MYO16: variants seen among roughly 807,000 people sequenced by gnomAD.
MYO16 encodes myosin XVI.
MYO16 carries 94 observed loss-of-function variants against 205.3 expected under a neutral mutation model. That is an observed-to-expected ratio of 0.46 (90% confidence interval 0.39 to 0.54). The LOEUF (loss-of-function observed/expected upper bound fraction) is 0.54. MYO16 is among the 20% of genes least tolerant of loss of function. MYO16 has a pLI of 0.00. For missense variants in MYO16, 2,315 were observed against 2,387.5 expected, an observed-to-expected ratio of 0.97 and a Z score of 0.63; for synonymous variants, 988 against 954.0, an observed-to-expected ratio of 1.04 and a Z score of -0.66.
In MYO16 at chr13:109,141,278, C is replaced by G. The variant is rs1877080701; in HGVS notation, c.5066C>G (p.Pro1689Arg). 1 of 1,601,156 alleles carries G rather than the reference C, an allele frequency of 6.2e-7. No individual in the cohort carries two copies. Among genetic ancestry groups the G allele is most frequent in the Non-Finnish European group, 8.5e-7 (1 of 1,174,310 alleles). Residue 1689 changes from proline (P) to arginine (R), a missense_variant, in exon 32 of 35, where the codon CCT (proline) becomes CGT (arginine). This residue lies in a region of MYO16 where 1,097 missense variants were observed against 1,092.0 expected (regional missense o/e 1.00). Coordinates refer to ENST00000457511, the MANE Select transcript of MYO16 (RefSeq NM_001198950.3). This position sits in a 1 kb window ranked among gnomAD's most constrained non-coding sequence, Gnocchi z 4.1. ...PAPYSPPSSR[P>R]LSSPLDELAS... ...CCCTACAGCCCTCCCAGCTCCAGGC[C>G]TCTCAGCAGCCCCCTGGACGAGCTC...
intron 6 of MYO16, among the ~76,000 whole-genome samples, chr13:108,799,465 A>G (rs2138963774): frequency 6.6e-6 from 1 of 152,354 alleles, no homozygotes; most frequent in South Asian, 2.1e-4. Context: ...CCATGATTTT[A>G]AGGTGGCATT....
At chr13:109,082,986 C>T (rs1471652883) in intron 27 of MYO16, among the ~76,000 whole-genome samples, 2 of 152,060 alleles carry the variant, frequency 1.3e-5, no homozygotes, top group African/African-American at 2.4e-5. Context: ...TGAATATCAC[C>T]AGAATATGGC....
At chr13:109,052,054 G>A (rs546645088) in intron 24 of MYO16, among the ~76,000 whole-genome samples, 1 of 152,300 alleles carries the variant, frequency 6.6e-6, no homozygotes, top group South Asian at 2.1e-4. Flanking sequence ...CTCAGTTAGA[G>A]AGCAAGGCCC....
At position 108,961,610 on chromosome 13, in the gene MYO16, T is replaced by C; in HGVS notation, c.2109T>C (p.Asn703=). The C allele has an allele frequency of 6.2e-7, 1 of 1,614,150 alleles. No individual in the cohort carries two copies. The highest frequency in any genetic ancestry group is 1.1e-5 in the South Asian group (1 of 91,088). ...GAGACATTCGGTTTACTGCCCTGAATGAGGGGAACTCCGCCTTCGTTTCTG... is the reference window on the plus strand; with the variant it reads ...GAGACATTCGGTTTACTGCCCTGAACGAGGGGAACTCCGCCTTCGTTTCTG... ...HLGDIRFTAL[N]EGNSAFVSDL... Residue 703 remains asparagine (N), a synonymous_variant, in exon 18 of 35, where the codon AAT becomes AAC. Coordinates refer to ENST00000457511, the MANE Select transcript of MYO16 (RefSeq NM_001198950.3).
chr13:108,693,150 T>G (rs1333761191), intron 2 of MYO16, among the ~76,000 whole-genome samples: 1 of 152,180 alleles, frequency 6.6e-6, no homozygotes, highest in East Asian at 1.9e-4. Context: ...ACAATGATAA[T>G]AAATAATATA....
At chr13:108,865,468 CCTT>C in intron 11 of MYO16, among the ~76,000 whole-genome samples, 1 of 151,964 alleles carries the variant, frequency 6.6e-6, no homozygotes, top group Non-Finnish European at 1.5e-5. Context: ...TCCATAGTCA[CCTT>C]CTTTGCTGTT....
chr13:108,605,436 A>C (rs2139306830), intron 1 of MYO16, among the ~76,000 whole-genome samples: 1 of 152,230 alleles, frequency 6.6e-6, no homozygotes, highest in African/African-American at 2.4e-5. Flanking sequence ...ATTGGAATCC[A>C]AATTATAATC....
chr13:109,172,858 C>T (rs1487025562), intron 33 of MYO16, among the ~76,000 whole-genome samples: 1 of 152,132 alleles, frequency 6.6e-6, no homozygotes, highest in Non-Finnish European at 1.5e-5. Context: ...GCAGTGAATT[C>T]GTTTCTCTGA....
At position 108,696,977 on chromosome 13, in the gene MYO16, TAA is replaced by T. The variant is rs11462001; in HGVS notation, c.293-15669_293-15668del. Among the ~76,000 whole-genome samples, 468 of 145,110 alleles carry T rather than the reference TAA, an allele frequency of 3.2e-3. 2 individuals are homozygous for T. Among genetic ancestry groups the T allele is most frequent in the Admixed American group, 6.8e-3 (100 of 14,652 alleles). On this transcript the variant is annotated intron_variant, in intron 2 of 34. Transcript: ENST00000457511. ...TTAACTCACGGATGAATTCAAGCAT[TAA>T]AAAAAAAAAAAAAATACCCTGCCCT...
chr13:108,686,762 A>G (rs914592682), intron 2 of MYO16, among the ~76,000 whole-genome samples: 1 of 152,262 alleles, frequency 6.6e-6, no homozygotes, highest in South Asian at 2.1e-4. Flanking sequence ...AAGAGAAAAG[A>G]CAACAATTTT....
intron 1 of MYO16, among the ~76,000 whole-genome samples, chr13:108,643,809 C>G (rs1026883203): frequency 3.9e-5 from 6 of 152,138 alleles, no homozygotes; most frequent in Non-Finnish European, 8.8e-5. Context: ...TTTTATTTGC[C>G]TCAGGTAAAC....
the MYO16 span, among the ~76,000 whole-genome samples, chr13:108,500,124 C>A: frequency 2.6e-5 from 4 of 151,718 alleles, no homozygotes; most frequent in Admixed American, 2.0e-4. Context: ...TTCCATACCA[C>A]ACCTGACTCC....
intron 27 of MYO16, among the ~76,000 whole-genome samples, chr13:109,068,896 AT>A (rs1268857781): frequency 2.0e-5 from 3 of 152,078 alleles, no homozygotes; most frequent in Non-Finnish European, 4.4e-5. Flanking sequence ...CAGCCCAGCA[AT>A]GTAAATTTTG....
intron 16 of MYO16, among the ~76,000 whole-genome samples, chr13:108,957,428 C>G (rs1013904202): frequency 2.0e-5 from 3 of 150,284 alleles, no homozygotes; most frequent in African/African-American, 7.3e-5. Context: ...TTGTGACCTT[C>G]TCCTGTCACA....
chr13:108,800,216 T>C (rs1886929041), intron 6 of MYO16, among the ~76,000 whole-genome samples: 1 of 152,194 alleles, frequency 6.6e-6, no homozygotes, highest in Non-Finnish European at 1.5e-5. Flanking sequence ...GCCCATCTCT[T>C]GCCGTTTACT....
intron 11 of MYO16, among the ~76,000 whole-genome samples, chr13:108,860,635 C>G (rs59605109): frequency 0.035 from 5,327 of 152,218 alleles, 273 homozygotes; most frequent in East Asian, 0.21. Context: ...CAACAGTGTA[C>G]TGCTGCACAT....
intron 28 of MYO16, among the ~76,000 whole-genome samples, chr13:109,109,120 A>C (rs1349230885): frequency 6.6e-6 from 1 of 152,188 alleles, no homozygotes; most frequent in Non-Finnish European, 1.5e-5. Context: ...CCTAACAACT[A>C]CTGAAAGAGG....
intron 27 of MYO16, among the ~76,000 whole-genome samples, chr13:109,075,327 G>T (rs7319115): frequency 0.09 from 12,813 of 142,880 alleles, 588 homozygotes; most frequent in African/African-American, 0.12. Context: ...CCAACACGTG[G>T]TTTGATCAGT....
intron 20 of MYO16, among the ~76,000 whole-genome samples, chr13:108,980,991 G>C (rs1884430495): frequency 6.6e-6 from 1 of 152,140 alleles, no homozygotes. Flanking sequence ...ATGAACCCCA[G>C]TATGCCAGAC....
Sources: allele counts gnomAD v4.1 joint callset (sites outside exome capture counted in the v4.1 genomes callset), GRCh38; gene constraint gnomAD v4.1.1; regional missense constraint gnomAD v4.1.1; non-coding constraint Gnocchi (gnomAD v3.1); transcripts MANE v1.5; gene names NCBI Gene and HGNC (gene_info 2026-07-23, HGNC 2026-07-21).